NRXN3: variants seen among roughly 807,000 people sequenced by gnomAD.
The protein encoded by NRXN3 is neurexin 3, also known as neurexin III.
A neutral mutation model predicts 137.6 loss-of-function variants in NRXN3; 32 were observed. The ratio of observed to expected loss-of-function variants is 0.23; its 90% CI spans 0.18 to 0.31. The LOEUF (loss-of-function observed/expected upper bound fraction) is 0.31. Among genes scored for constraint, NRXN3 ranks in the 10% least tolerant of loss-of-function variants. The pLI is 1.00. For missense variants in NRXN3, 1,574 were observed against 2,062.5 expected, an observed-to-expected ratio of 0.76 and a Z score of 4.59; for synonymous variants, 798 against 784.5, an observed-to-expected ratio of 1.02 and a Z score of -0.29.
intron 4 of NRXN3, among the ~76,000 whole-genome samples, chr14:78,593,259 T>TA (rs2097132019): frequency 6.6e-6 from 1 of 152,208 alleles, no homozygotes; most frequent in Non-Finnish European, 1.5e-5. Flanking sequence ...TTTAAAGACA[T>TA]ATTAACATCT....
chr14:78,384,809 T>C (rs1005597741), intron 4 of NRXN3, among the ~76,000 whole-genome samples: 1 of 152,240 alleles, frequency 6.6e-6, no homozygotes, highest in South Asian at 2.1e-4. Context: ...CTTTCAAATA[T>C]ACCATTCGGT....
chr14:79,501,781 C>G (rs977742255), intron 16 of NRXN3, among the ~76,000 whole-genome samples: 2 of 150,518 alleles, frequency 1.3e-5, no homozygotes, highest in African/African-American at 4.9e-5. Context: ...AGGTCAGGGA[C>G]TCTAAAACTG....
intron 4 of NRXN3, among the ~76,000 whole-genome samples, chr14:78,422,244 C>T (rs984861352): frequency 1.3e-5 from 2 of 152,234 alleles, no homozygotes; most frequent in African/African-American, 2.4e-5. Context: ...CCCCCACATA[C>T]GATCAGGTTT....
intron 4 of NRXN3, among the ~76,000 whole-genome samples, chr14:78,320,338 G>A (rs771861664): frequency 9.2e-5 from 14 of 152,134 alleles, no homozygotes; most frequent in Admixed American, 3.3e-4. Context: ...AAACAGGGAC[G>A]GAAATGAATT....
intron 4 of NRXN3, among the ~76,000 whole-genome samples, chr14:78,445,955 G>T (rs575110967): frequency 1.3e-5 from 2 of 152,124 alleles, no homozygotes; most frequent in African/African-American, 4.8e-5. Context: ...GAGAGTGGGG[G>T]TAAAGCTTCC....
At chr14:79,126,303 C>A (rs1461631272) in intron 15 of NRXN3, among the ~76,000 whole-genome samples, 3 of 151,924 alleles carry the variant, frequency 2.0e-5, no homozygotes, top group East Asian at 3.9e-4. Flanking sequence ...TTAGGTATAT[C>A]TCCCAATGCT....
chr14:79,407,461 A>G (rs1486203258), intron 15 of NRXN3, among the ~76,000 whole-genome samples: 1 of 152,154 alleles, frequency 6.6e-6, no homozygotes, highest in African/African-American at 2.4e-5. Flanking sequence ...TAATGATTAA[A>G]AAGAATAATA....
chr14:79,434,101 G>A (rs1403702570), intron 15 of NRXN3, among the ~76,000 whole-genome samples: 4 of 152,132 alleles, frequency 2.6e-5, no homozygotes, highest in South Asian at 2.1e-4. Context: ...CCTGTAGCAC[G>A]TAGCACTAAT....
At chr14:78,903,222 C>G (rs1179687023) in intron 10 of NRXN3, among the ~76,000 whole-genome samples, 1 of 143,134 alleles carries the variant, frequency 7.0e-6, no homozygotes, top group African/African-American at 2.7e-5. Context: ...GATTATAGCT[C>G]ACTGCAGCCT....
chr14:78,931,491 G>C (rs1362760539), intron 10 of NRXN3, among the ~76,000 whole-genome samples: 1 of 152,148 alleles, frequency 6.6e-6, no homozygotes, highest in Non-Finnish European at 1.5e-5. Flanking sequence ...TTTTATGAGA[G>C]AGGAAGTGAG....
chr14:78,193,083 C>T (rs560197719), intron 1 of NRXN3, among the ~76,000 whole-genome samples: 217 of 152,238 alleles, frequency 1.4e-3, no homozygotes, highest in African/African-American at 4.8e-3. Flanking sequence ...CGGACAACTC[C>T]TTAAGGTTCT....
intron 4 of NRXN3, among the ~76,000 whole-genome samples, chr14:78,492,266 A>G (rs1274056425): frequency 1.3e-5 from 2 of 152,152 alleles, no homozygotes; most frequent in Non-Finnish European, 2.9e-5. Flanking sequence ...CATAATCTCT[A>G]GATTTTTGGA....
chr14:79,593,871 G>A (rs760760002), intron 16 of NRXN3, among the ~76,000 whole-genome samples: 1 of 152,178 alleles, frequency 6.6e-6, no homozygotes. Context: ...CTCCACAGGT[G>A]ATTGGGATAG....
intron 1 of NRXN3, among the ~76,000 whole-genome samples, chr14:78,195,775 A>G (rs1324417089): frequency 1.3e-5 from 2 of 152,224 alleles, no homozygotes; most frequent in African/African-American, 4.8e-5. Context: ...AGCAAAGTGG[A>G]AGAGACCTTT....
intron 6 of NRXN3, among the ~76,000 whole-genome samples, chr14:78,667,142 C>G (rs1381623741): frequency 6.6e-6 from 1 of 152,110 alleles, no homozygotes; most frequent in East Asian, 1.9e-4. Flanking sequence ...GAATTCCAAG[C>G]ACACTTAATA....
chr14:78,188,311 A>G (rs1374006135), intron 1 of NRXN3, among the ~76,000 whole-genome samples: 1 of 152,200 alleles, frequency 6.6e-6, no homozygotes, highest in Non-Finnish European at 1.5e-5. Context: ...GAGCCATCTG[A>G]GATCAAGGTC....
At chr14:78,831,603 G>A (rs1183579710) in intron 10 of NRXN3, among the ~76,000 whole-genome samples, 1 of 146,210 alleles carries the variant, frequency 6.8e-6, no homozygotes, top group African/African-American at 2.5e-5. Flanking sequence ...TGCAATTTTA[G>A]CAGAGTTTTC....
chr14:78,641,765 AT>A (rs539762360), intron 4 of NRXN3, among the ~76,000 whole-genome samples: 12 of 152,194 alleles, frequency 7.9e-5, no homozygotes, highest in Non-Finnish European at 1.6e-4. Context: ...TCTGTTAAAT[AT>A]TTGCAAAGGA....
intron 15 of NRXN3, among the ~76,000 whole-genome samples, chr14:79,270,594 A>T (rs2079157246): frequency 6.6e-6 from 1 of 152,194 alleles, no homozygotes; most frequent in Admixed American, 6.5e-5. Flanking sequence ...TTCAGAATTC[A>T]TGATTCCATG....
Sources: allele counts gnomAD v4.1 joint callset (sites outside exome capture counted in the v4.1 genomes callset), GRCh38; gene constraint gnomAD v4.1.1; transcripts MANE v1.5; gene names NCBI Gene and HGNC (gene_info 2026-07-23, HGNC 2026-07-21).